Variants in SPHKAP observed in about 807,000 individuals in gnomAD.
The protein encoded by SPHKAP is SPHK1 interactor, AKAP domain containing.
In SPHKAP, 67 loss-of-function variants were observed where a neutral mutation model predicts 137.5. The observed-to-expected ratio is 0.49, with a 90% CI of 0.40 to 0.60. The LOEUF (loss-of-function observed/expected upper bound fraction) is 0.60. Ranked by LOEUF, SPHKAP falls within the 20% of genes least tolerant of loss-of-function variation. SPHKAP has a pLI of 0.00. For synonymous variants in SPHKAP, 813 were observed against 785.3 expected (o/e 1.04, Z -0.59); for missense variants, 2,097 against 2,069.3 (o/e 1.01, Z -0.26).
chr2:228,120,773 C>G (rs1335870620), intron 2 of SPHKAP, among the ~76,000 whole-genome samples: 1 of 152,156 alleles, frequency 6.6e-6, no homozygotes, highest in Non-Finnish European at 1.5e-5. Flanking sequence ...GAAAGTTGAT[C>G]AGAGCTTTAT....
At chr2:228,160,122 A>G (rs1478056493) in intron 1 of SPHKAP, among the ~76,000 whole-genome samples, 2 of 152,196 alleles carry the variant, frequency 1.3e-5, no homozygotes, top group Non-Finnish European at 2.9e-5. Flanking sequence ...TGGAGTTTTC[A>G]ATGAACATGA....
At chr2:228,030,270 C>T (rs1347480767) in intron 3 of SPHKAP, among the ~76,000 whole-genome samples, 1 of 152,040 alleles carries the variant, frequency 6.6e-6, no homozygotes, top group African/African-American at 2.4e-5. Context: ...AATCCCAGCA[C>T]TTTGGGAGGC....
intron 3 of SPHKAP, among the ~76,000 whole-genome samples, chr2:228,063,164 C>CTATCTATCTATG (rs1696712297): frequency 6.8e-6 from 1 of 147,598 alleles, no homozygotes; most frequent in Non-Finnish European, 1.5e-5. Context: ...ATCTATCTAT[C>CTATCTATCTATG]TATCTATCTA....
intron 3 of SPHKAP, among the ~76,000 whole-genome samples, chr2:228,055,609 C>G (rs1315815663): frequency 6.6e-6 from 1 of 152,194 alleles, no homozygotes; most frequent in Non-Finnish European, 1.5e-5. Context: ...GTGATGACAA[C>G]AGATTCTCAA....
At chr2:228,107,650 G>C (rs938950645) in intron 3 of SPHKAP, among the ~76,000 whole-genome samples, 10 of 151,988 alleles carry the variant, frequency 6.6e-5, no homozygotes, top group Non-Finnish European at 4.4e-5. Flanking sequence ...TGACCAAAGC[G>C]TGTCTGCTGA....
At chr2:228,078,675 C>T (rs772716371) in intron 3 of SPHKAP, among the ~76,000 whole-genome samples, 1 of 152,140 alleles carries the variant, frequency 6.6e-6, no homozygotes, top group Non-Finnish European at 1.5e-5. Flanking sequence ...TGAGAGATTA[C>T]AGCATCCCCA....
At chr2:228,095,353 T>C (rs1375228357) in intron 3 of SPHKAP, among the ~76,000 whole-genome samples, 2 of 152,158 alleles carry the variant, frequency 1.3e-5, no homozygotes, top group East Asian at 3.8e-4. Flanking sequence ...GGACAGATCT[T>C]TGGGAAACAT....
At chr2:228,159,028 TGA>T (rs1700194810) in intron 1 of SPHKAP, among the ~76,000 whole-genome samples, 4 of 152,094 alleles carry the variant, frequency 2.6e-5, no homozygotes, top group Non-Finnish European at 4.4e-5. Context: ...AAACCAAGAC[TGA>T]GGGATGAAGT....
intron 3 of SPHKAP, among the ~76,000 whole-genome samples, chr2:228,053,473 A>G (rs1428238700): frequency 6.6e-6 from 1 of 152,194 alleles, no homozygotes; most frequent in African/African-American, 2.4e-5. Context: ...ATGTGTGTTA[A>G]AATCTGGCTT....
intron 1 of SPHKAP, among the ~76,000 whole-genome samples, chr2:228,163,077 A>G (rs1290033799): frequency 6.6e-6 from 1 of 152,182 alleles, no homozygotes; most frequent in African/African-American, 2.4e-5. Context: ...ACAGAAACAG[A>G]ATTATTAAGC....
chr2:228,074,998 G>A (rs181050870), intron 3 of SPHKAP, among the ~76,000 whole-genome samples: 1 of 152,246 alleles, frequency 6.6e-6, no homozygotes, highest in Admixed American at 6.5e-5. Context: ...AAGGAGGAAG[G>A]GGAGGAAGAA....
chr2:228,158,009 T>C (rs1429826871), intron 1 of SPHKAP, among the ~76,000 whole-genome samples: 1 of 152,202 alleles, frequency 6.6e-6, no homozygotes, highest in African/African-American at 2.4e-5. Flanking sequence ...CAACAGCATG[T>C]CAAGCTTAAT....
chr2:228,060,635 A>G (rs1376566926), intron 3 of SPHKAP, among the ~76,000 whole-genome samples: 1 of 152,190 alleles, frequency 6.6e-6, no homozygotes, highest in Admixed American at 6.5e-5. Flanking sequence ...GGAAAGTGAT[A>G]TTTACTGCCA....
At chr2:228,123,751 G>A (rs13390280) in intron 2 of SPHKAP, among the ~76,000 whole-genome samples, 10,417 of 152,092 alleles carry the variant, frequency 0.068, 1,101 homozygotes, top group African/African-American at 0.23. Flanking sequence ...GATCCCATTC[G>A]TCAATTTTGG....
chr2:228,156,046 G>A lies in SPHKAP; in HGVS notation c.33-23961C>T, dbSNP rs868100449. Among the ~76,000 whole-genome samples the A allele has an allele frequency of 3.3e-5, 5 of 152,246 alleles. No homozygotes were observed. The South Asian group carries it at 8.3e-4, about 25-fold the overall frequency. On this transcript the variant is annotated intron_variant, in intron 1 of 11. Coordinates refer to ENST00000392056, the MANE Select transcript of SPHKAP (RefSeq NM_001142644.2). ...TGTGGTTAGAAATGTCTTCCCTTGT[G>A]AAGGATTTAAACTAAAATGTGCCCA...
chr2:228,006,915 G>T (rs1227153211), intron 7 of SPHKAP, among the ~76,000 whole-genome samples: 2 of 152,174 alleles, frequency 1.3e-5, no homozygotes, highest in African/African-American at 4.8e-5. Flanking sequence ...GTCTCAGAGG[G>T]GTACTCAGCC....
chr2:228,032,549 C>T (rs572514870), intron 3 of SPHKAP, among the ~76,000 whole-genome samples: 3 of 152,112 alleles, frequency 2.0e-5, no homozygotes, highest in East Asian at 1.9e-4. Flanking sequence ...AGATACTCCT[C>T]GAGAAGAGCA....
intron 1 of SPHKAP, among the ~76,000 whole-genome samples, chr2:228,170,082 A>G (rs1700539085): frequency 6.6e-6 from 1 of 152,118 alleles, no homozygotes; most frequent in Non-Finnish European, 1.5e-5. Context: ...TGGCTAAAGT[A>G]ATTGCAAATT....
At chr2:228,139,910 T>TCTTTCTTTCTTTCTTTCTTTCTTTCTTTC (rs1553547558) in intron 1 of SPHKAP, among the ~76,000 whole-genome samples, 2 of 137,532 alleles carry the variant, frequency 1.5e-5, no homozygotes, top group South Asian at 2.3e-4. Flanking sequence ...TCTTTATTTA[T>TCTTTCTTTCTTTCTTTCTTTCTTTCTTTC]TTTCTTTCTT....
Sources: gnomAD v4.1 joint callset for allele counts (sites outside exome capture counted in the v4.1 genomes callset) on GRCh38, gnomAD v4.1.1 for gene constraint, MANE v1.5 for transcripts, NCBI Gene and HGNC (gene_info 2026-07-23, HGNC 2026-07-21) for gene names.